WDR20: variants seen among roughly 807,000 people sequenced by gnomAD.
WDR20 encodes WD repeat-containing protein 20.
In WDR20, 3 loss-of-function variants were observed where a neutral mutation model predicts 38.7. The observed-to-expected ratio is 0.08, with a 90% CI of 0.04 to 0.20. WDR20 has a LOEUF of 0.20. WDR20 is among the 10% of genes least tolerant of loss of function. WDR20 has a pLI of 1.00. For missense variants in WDR20, 559 were observed against 727.7 expected (o/e 0.77, Z 2.67); for synonymous variants, 298 against 285.6 (o/e 1.04, Z -0.44).
chr14:102,158,211 A>G (rs1312622987), intron 1 of WDR20, among the ~76,000 whole-genome samples: 1 of 152,118 alleles, frequency 6.6e-6, no homozygotes, highest in Non-Finnish European at 1.5e-5. Context: ...TGTGCTGCCT[A>G]CACTCCCCTA....
downstream of WDR20, chr14:102,214,941 T>C: frequency 1.0e-6 from 1 of 985,390 alleles, no homozygotes; most frequent in Non-Finnish European, 1.2e-6. Flanking sequence ...CTTGATATTC[T>C]GAAGTACTGT....
chr14:102,205,577 G>A (rs1318127590), intron 2 of WDR20, among the ~76,000 whole-genome samples: 1 of 152,052 alleles, frequency 6.6e-6, no homozygotes, highest in Non-Finnish European at 1.5e-5. Flanking sequence ...TCTACCAGTG[G>A]CCAGCACCCA....
At chr14:102,171,893 TTTTG>T (rs547481780) in intron 1 of WDR20, among the ~76,000 whole-genome samples, 32 of 150,988 alleles carry the variant, frequency 2.1e-4, no homozygotes, top group South Asian at 6.3e-4. Flanking sequence ...ATTTTTGTTT[TTTTG>T]TTTGTTTTCC....
intron 1 of WDR20, among the ~76,000 whole-genome samples, chr14:102,183,927 T>C (rs1792878978): frequency 6.6e-6 from 1 of 152,248 alleles, no homozygotes; most frequent in Non-Finnish European, 1.5e-5. Context: ...GTCTCAACAC[T>C]TTCAGAAAGG....
chr14:102,158,913 G>A (rs2058052326), intron 1 of WDR20, among the ~76,000 whole-genome samples: 1 of 151,756 alleles, frequency 6.6e-6, no homozygotes, highest in African/African-American at 2.4e-5. Flanking sequence ...ACAGTTGTCA[G>A]GGGGAGAGAC....
intron 1 of WDR20, among the ~76,000 whole-genome samples, chr14:102,176,149 C>T (rs1256583964): frequency 6.6e-6 from 1 of 152,168 alleles, no homozygotes; most frequent in African/African-American, 2.4e-5. Context: ...AATCTCAGCA[C>T]TTTGGGAGGC....
intron 1 of WDR20, among the ~76,000 whole-genome samples, chr14:102,161,426 A>G (rs1437425242): frequency 6.7e-6 from 1 of 149,856 alleles, no homozygotes; most frequent in Non-Finnish European, 1.5e-5. Flanking sequence ...CAACTCTTTG[A>G]CCTCAGCCTC....
At chr14:102,181,720 G>A (rs1477825803) in intron 1 of WDR20, among the ~76,000 whole-genome samples, 6 of 151,726 alleles carry the variant, frequency 4.0e-5, no homozygotes, top group South Asian at 2.1e-4. Flanking sequence ...TATATATTAC[G>A]TCATATGAGA....
intron 1 of WDR20, among the ~76,000 whole-genome samples, chr14:102,147,615 T>A (rs950362785): frequency 6.6e-6 from 1 of 152,242 alleles, no homozygotes; most frequent in Non-Finnish European, 1.5e-5. Context: ...TATAGTGACT[T>A]AAGGGTAAAG....
chr14:102,139,900 G>A lies in WDR20; in HGVS notation c.-24G>A. ...GGTGGGCGTGATCCGGGCACTTAGG[G>A]CAGGATGAACGCTGCTTTCCAAGAT... On this transcript the variant is annotated 5_prime_UTR_variant, in exon 1 of 3. Transcript: ENST00000342702. The A allele has an allele frequency of 6.2e-7, 1 of 1,609,154 alleles. No homozygotes were observed. Among genetic ancestry groups the A allele is most frequent in the Non-Finnish European group, 8.5e-7 (1 of 1,175,974 alleles).
downstream of WDR20, among the ~76,000 whole-genome samples, chr14:102,216,151 T>TC (rs2063191821): frequency 6.6e-6 from 1 of 152,002 alleles, no homozygotes; most frequent in Non-Finnish European, 1.5e-5. Context: ...GAGTGCGGGG[T>TC]CAGCAGAGCC....
chr14:102,212,837 A>G, downstream of WDR20: 3 of 1,310,784 alleles, frequency 2.3e-6, no homozygotes, highest in East Asian at 6.2e-5. Context: ...CTTTCAGCCT[A>G]AACGTTATTA....
rs1319179952 is a variant in WDR20 at position 102,208,428 on chromosome 14, A to G, written c.433-175A>G. ...CACCGATTTTAGAAAGTAATTCTAA[A>G]TTACCCCAAAAGGGCCAAAACGCTC... On this transcript the variant is annotated intron_variant, in intron 2 of 2. Coordinates refer to ENST00000342702, the MANE Select transcript of WDR20 (RefSeq NM_144574.4). The surrounding 1 kb of genome is among the most constrained non-coding windows in gnomAD (Gnocchi z 5.6). Among the ~76,000 whole-genome samples, 1 of 152,232 alleles carries G rather than the reference A, an allele frequency of 6.6e-6. No individual in the cohort carries two copies. The highest frequency in any genetic ancestry group is 1.5e-5 in the Non-Finnish European group (1 of 68,036).
chr14:102,209,535 T>C lies in WDR20; in HGVS notation c.1365T>C (p.Ala455=). ...SKSSVMDGAI[A]SGVSKFATLS... ...GCAGTGTCATGGACGGGGCCATTGCTTCTGGGGTCAGCAAATTTGCAACAC... is the reference window on the plus strand; with the variant it reads ...GCAGTGTCATGGACGGGGCCATTGCCTCTGGGGTCAGCAAATTTGCAACAC... Residue 455 remains alanine, a synonymous_variant, in exon 3 of 3, where the codon GCT becomes GCC. Transcript: ENST00000342702. This position sits in a 1 kb window ranked among gnomAD's most constrained non-coding sequence, Gnocchi z 6.0. 6.2e-7 allele frequency: 1 copy of C among 1,614,156 alleles called. No homozygotes were observed. Among genetic ancestry groups the C allele is most frequent in the Non-Finnish European group, 8.5e-7 (1 of 1,180,028 alleles).
At chr14:102,189,001 C>G (rs2065616341) in intron 1 of WDR20, among the ~76,000 whole-genome samples, 1 of 151,474 alleles carries the variant, frequency 6.6e-6, no homozygotes, top group Non-Finnish European at 1.5e-5. Flanking sequence ...CACTTGATGT[C>G]AGTTCGAGAC....
intron 1 of WDR20, among the ~76,000 whole-genome samples, chr14:102,194,131 CAA>C (rs2059015281): frequency 6.6e-6 from 1 of 152,190 alleles, no homozygotes; most frequent in African/African-American, 2.4e-5. Flanking sequence ...TGACGTTGGT[CAA>C]GTTATTTAAC....
intron 1 of WDR20, among the ~76,000 whole-genome samples, chr14:102,161,137 TA>T (rs1323745429): frequency 1.1e-3 from 15 of 14,254 alleles, no homozygotes; most frequent in South Asian, 2.7e-3. Flanking sequence ...TATATATATA[TA>T]TATATTTTTT....
intron 1 of WDR20, among the ~76,000 whole-genome samples, chr14:102,170,881 T>G (rs1262876413): frequency 1.3e-5 from 2 of 152,112 alleles, no homozygotes; most frequent in East Asian, 3.9e-4. Context: ...CTCATGGTAG[T>G]TTTTTCCTAC....
exon 4 of WDR20, chr14:102,223,389 ATTGT>A (rs1226341038): frequency 6.5e-6 from 1 of 152,706 alleles, no homozygotes; most frequent in Non-Finnish European, 1.5e-5. Flanking sequence ...ATTTTAAAAA[ATTGT>A]TTGCACTTAA....
Sources: allele counts gnomAD v4.1 joint callset (sites outside exome capture counted in the v4.1 genomes callset), GRCh38; gene constraint gnomAD v4.1.1; non-coding constraint Gnocchi (gnomAD v3.1); transcripts MANE v1.5; gene names NCBI Gene and HGNC (gene_info 2026-07-23, HGNC 2026-07-21).